The following PLEKHM2 variants were observed in gnomAD, a reference collection of about 807,000 sequenced individuals.
PLEKHM2 encodes the protein pleckstrin homology domain-containing family M member 2.
PLEKHM2 carries 77 observed loss-of-function variants against 116.3 expected under a neutral mutation model. The ratio of observed to expected loss-of-function variants is 0.66; its 90% CI spans 0.55 to 0.80. The LOEUF (loss-of-function observed/expected upper bound fraction) is 0.80. Ranked by LOEUF, PLEKHM2 falls within the 30% of genes least tolerant of loss-of-function variation. PLEKHM2 has a pLI of 0.00. For missense variants in PLEKHM2, 1,183 were observed against 1,354.9 expected, an observed-to-expected ratio of 0.87 and a Z score of 1.99; for synonymous variants, 562 against 571.0, an observed-to-expected ratio of 0.98 and a Z score of 0.22.
intron 14 of PLEKHM2, 134 bp from the exon 15 acceptor site, chr1:15,730,398 C>G (rs1249089044): frequency 1.5e-6 from 1 of 668,692 alleles, no homozygotes; most frequent in Non-Finnish European, 2.4e-6. Context: ...GTGGAGATCA[C>G]ACCACTGCAG....
At chr1:15,716,878 G>T in intron 3 of PLEKHM2, 62 bp downstream of exon 3, 1 of 1,542,738 alleles carries the variant, frequency 6.5e-7, no homozygotes. Context: ...GGTAGCTTGG[G>T]GCTCTGTCCC....
chr1:15,731,075 C>A, intron 15 of PLEKHM2, 117 bp from the exon 16 acceptor site: 1 of 762,852 alleles, frequency 1.3e-6, no homozygotes, highest in Non-Finnish European at 2.3e-6. Context: ...CCCTGGTGTC[C>A]TTTGCCTCAG....
At position 15,727,587 on chromosome 1, in the gene PLEKHM2, G is replaced by C. The variant is rs779799765; in HGVS notation, c.1515G>C (p.Glu505Asp). The C allele has an allele frequency of 1.3e-5, 21 of 1,579,154 alleles. No homozygotes were observed. The highest frequency in any genetic ancestry group is 1.6e-5 in the Non-Finnish European group (19 of 1,163,164). ...SSPEAAGQEE[E>D]GGGGEGQTPR... ...CTGAGGCTGCTGGCCAAGAAGAAGA[G>C]GGAGGAGGAGGAGAGGGACAGACGC... Residue 505 changes from glutamate (E) to aspartate (D), a missense_variant, in exon 9 of 20, where the codon GAG (glutamate) becomes GAC (aspartate). This residue lies in a region of PLEKHM2 where 594 missense variants were observed against 720.1 expected (regional missense o/e 0.82). Transcript: ENST00000375799. The surrounding 1 kb of genome is among the most constrained non-coding windows in gnomAD (Gnocchi z 7.5).
chr1:15,690,128 A>G (rs1270179295), intron 1 of PLEKHM2, among the ~76,000 whole-genome samples: 1 of 150,372 alleles, frequency 6.7e-6, no homozygotes, highest in Non-Finnish European at 1.5e-5. Context: ...GTGCAGTGGC[A>G]TGATCTTGGT....
rs757802752 is a variant in PLEKHM2, at chr1:15,727,191, G to A, written c.1119G>A (p.Gln373=). Residue 373 remains glutamine, a synonymous_variant, in exon 9 of 20, where the codon CAG becomes CAA. Coordinates refer to ENST00000375799, the MANE Select transcript of PLEKHM2 (RefSeq NM_015164.4). This position sits in a 1 kb window ranked among gnomAD's most constrained non-coding sequence, Gnocchi z 7.5. ...DSPDTMLASP[Q]EEGEGPSSTT... is the part of the protein sequence containing the mutation. ...CAGACACTATGCTTGCCTCCCCCCA[G>A]GAGGAGGGAGAGGGGCCGAGCAGCA... The A allele has an allele frequency of 4.9e-5, 78 of 1,606,194 alleles. No homozygotes were observed. The highest frequency in any genetic ancestry group is 6.5e-5 in the Non-Finnish European group (76 of 1,176,734).
chr1:15,720,947 T>C (rs1446645402), intron 6 of PLEKHM2: 3 of 174,952 alleles, frequency 1.7e-5, no homozygotes, highest in South Asian at 3.0e-4. Flanking sequence ...CCTCAGCAAT[T>C]TGGAGATTGT....
chr1:15,719,264 A>G lies in PLEKHM2; in HGVS notation c.466-470A>G, dbSNP rs1420785923. ...CAGGAGTTCGAGACCAGCCTGGCCA[A>G]CATGGCGAAACCTCGTCTCTACTAA... On this transcript the variant is annotated intron_variant, in intron 5 of 19. Transcript: ENST00000375799. The surrounding 1 kb of genome is among the most constrained non-coding windows in gnomAD (Gnocchi z 4.1). 1.3e-5 allele frequency among the ~76,000 whole-genome samples: 2 copies of G among 152,196 alleles called. No homozygotes were observed. The highest frequency in any genetic ancestry group is 2.4e-5 in the African/African-American group (1 of 41,452).
chr1:15,721,143 C>G lies in PLEKHM2; in HGVS notation c.653-186C>G. On this transcript the variant is annotated intron_variant, in intron 6 of 19. Transcript: ENST00000375799. The surrounding 1 kb of genome is among the most constrained non-coding windows in gnomAD (Gnocchi z 5.1). ...CTGGTTGGAGGCTCCTGGGCCAGCG[C>G]CTGAGCTGAGAGGCAGTCAGGGCCC... The G allele has an allele frequency of 1.7e-6, 1 of 572,634 alleles. No homozygotes were observed. The highest frequency in any genetic ancestry group is 3.1e-6 in the Non-Finnish European group (1 of 321,622). 35.5% of individuals were successfully genotyped at this position (572,634 alleles called of 1,614,324 possible).
chr1:15,704,202 T>TAGAG (rs1350814025), intron 1 of PLEKHM2, among the ~76,000 whole-genome samples: 3 of 143,576 alleles, frequency 2.1e-5, no homozygotes, highest in Admixed American at 2.0e-4. Context: ...GGCAAGGACT[T>TAGAG]TATTTCTTTA....
At chr1:15,701,790 C>CA (rs1243243236) in intron 1 of PLEKHM2, among the ~76,000 whole-genome samples, 3 of 152,010 alleles carry the variant, frequency 2.0e-5, no homozygotes, top group Non-Finnish European at 4.4e-5. Context: ...GAATCCCTCT[C>CA]AAAAAAGAAA....
At position 15,721,654 on chromosome 1, in the gene PLEKHM2, G is replaced by A. The variant is rs1033757881; in HGVS notation, c.712+266G>A. Among the ~76,000 whole-genome samples the A allele has an allele frequency of 6.6e-6, 1 of 152,112 alleles. No individual in the cohort carries two copies. The highest frequency in any genetic ancestry group is 2.4e-5 in the African/African-American group (1 of 41,420). On this transcript the variant is annotated intron_variant, in intron 7 of 19. Transcript: ENST00000375799. The surrounding 1 kb of genome is among the most constrained non-coding windows in gnomAD (Gnocchi z 5.1). ...AAGTGGCTGCATTTCGGGGGATACA[G>A]GGTCACCCTTCCTGATTCCAGTGCC...
At position 15,684,572 on chromosome 1, in the gene PLEKHM2, A is replaced by T. The variant is rs769845310; in HGVS notation, c.14A>T (p.Glu5Val). The change falls in exon 1 of 20, where the codon GAG becomes GTG. Residue 5 changes from glutamate to valine, a missense_variant. Physicochemically the swap from Glu to Val is moderately radical, Grantham distance 121. Coordinates refer to ENST00000375799, the MANE Select transcript of PLEKHM2 (RefSeq NM_015164.4). ...GGTGGCAGCGCCATGGAGCCGGGGG[A>T]GGTGAAGGACCGGATCCTGGAGAAC... Reference protein sequence around the residue: MEPGEVKDRILENIS... With the variant: MEPGVVKDRILENIS... 19 of 1,294,400 alleles carry T rather than the reference A, an allele frequency of 1.5e-5. No individual in the cohort carries two copies. Among genetic ancestry groups the T allele is most frequent in the Non-Finnish European group, 1.9e-5 (19 of 1,006,218 alleles). The allele number at this position is 1,294,400 out of a possible 1,614,324, so 80.2% of individuals were successfully genotyped here. A position where few individuals can be genotyped will look rare whatever the true frequency, so the allele number is the denominator to read the frequency against.
chr1:15,713,719 T>C (rs1641382642), intron 1 of PLEKHM2, among the ~76,000 whole-genome samples: 1 of 151,880 alleles, frequency 6.6e-6, no homozygotes, highest in African/African-American at 2.4e-5. Flanking sequence ...CACTGCAAGC[T>C]CCGCCTCCCG....
At chr1:15,692,267 C>T (rs888814086) in intron 1 of PLEKHM2, among the ~76,000 whole-genome samples, 6 of 152,276 alleles carry the variant, frequency 3.9e-5, no homozygotes, top group South Asian at 2.1e-4. Context: ...TAAATGTTCT[C>T]AAAATCCCTA....
chr1:15,732,198 G>A, intron 17 of PLEKHM2, 150 bp downstream of exon 17: 1 of 927,052 alleles, frequency 1.1e-6, no homozygotes, highest in South Asian at 1.7e-5. Flanking sequence ...GGAGCTCAGA[G>A]GCATCACCCC....
chr1:15,733,541 C>T (rs1189833949), intron 19 of PLEKHM2, among the ~76,000 whole-genome samples: 1 of 152,268 alleles, frequency 6.6e-6, no homozygotes, highest in African/African-American at 2.4e-5. Context: ...GAGTGCAGCG[C>T]CTGCCTCGCT....
intron 1 of PLEKHM2, among the ~76,000 whole-genome samples, chr1:15,703,648 TGGGTG>T (rs1305504789): frequency 6.6e-6 from 1 of 152,158 alleles, no homozygotes; most frequent in African/African-American, 2.4e-5. Context: ...AATTGTTTTG[TGGGTG>T]TATGAAGATC....
intron 1 of PLEKHM2, among the ~76,000 whole-genome samples, chr1:15,695,836 C>G (rs1049306553): frequency 2.0e-5 from 3 of 152,054 alleles, no homozygotes; most frequent in Admixed American, 2.0e-4. Flanking sequence ...GGGTCTTGCT[C>G]TGTCACCCAG....
At chr1:15,714,242 G>A (rs1641396390) in intron 1 of PLEKHM2, among the ~76,000 whole-genome samples, 1 of 149,358 alleles carries the variant, frequency 6.7e-6, no homozygotes, top group Non-Finnish European at 1.5e-5. Flanking sequence ...ACCCGGCCCT[G>A]TTTTGGTTTT....
Sources: gnomAD v4.1 joint callset for allele counts (sites outside exome capture counted in the v4.1 genomes callset) on GRCh38, gnomAD v4.1.1 for gene constraint, gnomAD v4.1.1 regional missense constraint, Gnocchi (gnomAD v3.1) non-coding constraint, MANE v1.5 for transcripts, NCBI Gene and HGNC (gene_info 2026-07-23, HGNC 2026-07-21) for gene names.